ALMS1: variants seen among roughly 807,000 people sequenced by gnomAD.
ALMS1 encodes centrosome-associated protein ALMS1.
Under a neutral mutation model 352.2 loss-of-function variants are expected in ALMS1, and 271 were observed. The ratio of observed to expected loss-of-function variants is 0.77; its 90% CI spans 0.70 to 0.85. The LOEUF is 0.85. ALMS1 is among the 40% of genes least tolerant of loss of function. ALMS1 has a pLI of 0.00. For missense variants in ALMS1, 5,445 were observed against 4,870.7 expected (o/e 1.12, Z -3.51); for synonymous variants, 1,865 against 1,761.2 (o/e 1.06, Z -1.48).
rs778108392 is a variant in ALMS1 at position 73,454,015 on chromosome 2, T to C, written c.7488T>C (p.Ala2496=). ...AATGTGAATCCTCACTGAATCATGC[T>C]AAAGAAATACTCAGAAATGCAGAGG... ...LLQCESSLNH[A]KEILRNAEEE... is the part of the protein sequence containing the mutation. The change falls in exon 8 of 23, where the codon GCT becomes GCC. Residue 2496 remains alanine, a synonymous_variant. Coordinates refer to ENST00000613296, the MANE Select transcript of ALMS1 (RefSeq NM_001378454.1). The C allele has an allele frequency of 1.9e-6, 3 of 1,613,704 alleles. No homozygotes were observed. The highest frequency in any genetic ancestry group is 1.7e-6 in the Non-Finnish European group (2 of 1,179,846).
chr2:73,595,452 A>T (rs1260107370), intron 16 of ALMS1, among the ~76,000 whole-genome samples: 1 of 152,198 alleles, frequency 6.6e-6, no homozygotes, highest in Admixed American at 6.5e-5. Context: ...TTCAAGGTTC[A>T]TCCGTGCTGT....
At chr2:73,391,067 C>T (rs970014752) in intron 1 of ALMS1, among the ~76,000 whole-genome samples, 5 of 151,778 alleles carry the variant, frequency 3.3e-5, no homozygotes, top group Non-Finnish European at 5.9e-5. Flanking sequence ...AGCCACTGCG[C>T]CCGGCCCAAC....
At chr2:73,512,002 A>G (rs774373491) in intron 10 of ALMS1, among the ~76,000 whole-genome samples, 4 of 152,226 alleles carry the variant, frequency 2.6e-5, no homozygotes, top group Admixed American at 2.6e-4. Context: ...TGCATTTCCA[A>G]TAACAATGTG....
In ALMS1 at chr2:73,408,539, A is replaced by G. The variant is rs1196561725; in HGVS notation, c.325-83A>G. The G allele has an allele frequency of 4.1e-6, 6 of 1,452,712 alleles. No homozygotes were observed. The African/African-American group carries it at 5.6e-5, about 14-fold the overall frequency. The allele number at this position is 1,452,712 out of a possible 1,614,324, so 90.0% of individuals were successfully genotyped here. A position where few individuals can be genotyped will look rare whatever the true frequency, so the allele number is the denominator to read the frequency against. The stretch of plus-strand genomic sequence containing the variant: ...GAAAGGGCTTTATAAACTGGGAAGT[A>G]TGGTCTAAATATTAGTTTATTTTTG... On this transcript the variant is annotated intron_variant, in intron 1 of 22. Transcript: ENST00000613296.
intron 12 of ALMS1, among the ~76,000 whole-genome samples, chr2:73,545,897 A>G (rs1674305497): frequency 6.6e-6 from 1 of 152,364 alleles, no homozygotes; most frequent in South Asian, 2.1e-4. Context: ...AATTAATTGT[A>G]GTCCTCGTTT....
intron 9 of ALMS1, among the ~76,000 whole-genome samples, chr2:73,472,215 T>C (rs1672482709): frequency 6.6e-6 from 1 of 151,978 alleles, no homozygotes; most frequent in Non-Finnish European, 1.5e-5. Flanking sequence ...GAATTGATGT[T>C]AGGTAGGTAT....
At chr2:73,404,704 A>G (rs992410512) in intron 1 of ALMS1, among the ~76,000 whole-genome samples, 2 of 151,914 alleles carry the variant, frequency 1.3e-5, no homozygotes, top group Non-Finnish European at 2.9e-5. Flanking sequence ...TTTTACATCA[A>G]TAGTCGTCGG....
chr2:73,471,642 T>C (rs927734562), intron 9 of ALMS1, among the ~76,000 whole-genome samples: 1 of 151,754 alleles, frequency 6.6e-6, no homozygotes, highest in African/African-American at 2.4e-5. Context: ...ATCAGGAAAA[T>C]GCAAATCAAA....
At chr2:73,390,117 T>G (rs1671153408) in intron 1 of ALMS1, among the ~76,000 whole-genome samples, 1 of 152,202 alleles carries the variant, frequency 6.6e-6, no homozygotes, top group African/African-American at 2.4e-5. Flanking sequence ...AGAGAATATA[T>G]GATAATATAT....
chr2:73,603,414 T>A, intron 21 of ALMS1, 110 bp downstream of exon 21: 2 of 985,318 alleles, frequency 2.0e-6, no homozygotes, highest in Admixed American at 3.9e-5. Context: ...GTTTAAACAT[T>A]ATGAGAAAGT....
chr2:73,530,962 C>T (rs1034002789), intron 11 of ALMS1, among the ~76,000 whole-genome samples: 6 of 152,224 alleles, frequency 3.9e-5, no homozygotes, highest in South Asian at 2.1e-4. Flanking sequence ...GGGCCCTAGG[C>T]GGGGCCCACA....
At chr2:73,562,461 GA>G (rs1558695609) in intron 15 of ALMS1, among the ~76,000 whole-genome samples, 1 of 152,052 alleles carries the variant, frequency 6.6e-6, no homozygotes, top group Non-Finnish European at 1.5e-5. Flanking sequence ...CCTCCATACA[GA>G]AAAAAACAAG....
chr2:73,554,462 T>A (rs939159239), intron 13 of ALMS1, among the ~76,000 whole-genome samples: 1 of 151,804 alleles, frequency 6.6e-6, no homozygotes, highest in Non-Finnish European at 1.5e-5. Context: ...TCCCAGCAGT[T>A]TGGGGGGCCA....
chr2:73,433,718 T>C (rs531919094), intron 7 of ALMS1, among the ~76,000 whole-genome samples: 1 of 152,262 alleles, frequency 6.6e-6, no homozygotes, highest in South Asian at 2.1e-4. Context: ...TGTTTTTGAA[T>C]AGAATTTACT....
chr2:73,409,274 T>C (rs1671031642), intron 2 of ALMS1, among the ~76,000 whole-genome samples: 1 of 152,120 alleles, frequency 6.6e-6, no homozygotes, highest in African/African-American at 2.4e-5. Flanking sequence ...CTTATTTTTA[T>C]TTTTAGTTTA....
chr2:73,437,005 A>G (rs1671616851), intron 7 of ALMS1, among the ~76,000 whole-genome samples: 2 of 152,054 alleles, frequency 1.3e-5, no homozygotes, highest in South Asian at 2.1e-4. Context: ...AGCTCTGGAT[A>G]TTGATCCCTT....
chr2:73,404,146 G>T (rs201409215), intron 1 of ALMS1, among the ~76,000 whole-genome samples: 1 of 152,306 alleles, frequency 6.6e-6, no homozygotes, highest in Middle Eastern at 3.4e-3. Flanking sequence ...TGATCCACCC[G>T]CCTTGGCCTC....
chr2:73,514,801 G>T (rs949735484), intron 10 of ALMS1, among the ~76,000 whole-genome samples: 3 of 152,116 alleles, frequency 2.0e-5, no homozygotes, highest in Non-Finnish European at 4.4e-5. Flanking sequence ...ATTTCAGTTG[G>T]TTATAGAATT....
At chr2:73,596,171 C>G (rs1300511393) in intron 16 of ALMS1, among the ~76,000 whole-genome samples, 1 of 152,140 alleles carries the variant, frequency 6.6e-6, no homozygotes, top group East Asian at 1.9e-4. Context: ...GTGTTATATT[C>G]AAGAACTGTT....
Sources: allele counts gnomAD v4.1 joint callset (sites outside exome capture counted in the v4.1 genomes callset), GRCh38; gene constraint gnomAD v4.1.1; transcripts MANE v1.5; gene names NCBI Gene and HGNC (gene_info 2026-07-23, HGNC 2026-07-21).